Variants in STK39 observed in about 807,000 individuals in gnomAD.
STK39 encodes the protein serine/threonine kinase 39, also known as STE20/SPS1-related proline-alanine-rich protein kinase.
Under a neutral mutation model 77.8 loss-of-function variants are expected in STK39, and 20 were observed. That is an observed-to-expected ratio of 0.26 (90% CI 0.18 to 0.37). STK39 has a LOEUF of 0.37. Among genes scored for constraint, STK39 ranks in the 10% least tolerant of loss-of-function variants. The probability of loss-of-function intolerance (pLI) is 1.00; values close to 1 mark genes in which losing one functional copy is unlikely to be tolerated. For synonymous variants in STK39, 246 were observed against 234.1 expected, an observed-to-expected ratio of 1.05 and a Z score of -0.47; for missense variants, 479 against 656.5, an observed-to-expected ratio of 0.73 and a Z score of 2.95.
chr2:168,244,648 T>A (rs758250178), intron 1 of STK39, among the ~76,000 whole-genome samples: 1 of 152,216 alleles, frequency 6.6e-6, no homozygotes, highest in Non-Finnish European at 1.5e-5. Context: ...AAACCCTAAA[T>A]GGAAACAGGT....
chr2:168,153,038 G>A (rs1216714953), intron 5 of STK39, among the ~76,000 whole-genome samples: 3 of 152,122 alleles, frequency 2.0e-5, no homozygotes, highest in Non-Finnish European at 4.4e-5. Context: ...AGGAAACAAT[G>A]CACACCATTG....
chr2:168,160,182 C>T (rs893329412), intron 5 of STK39, among the ~76,000 whole-genome samples: 7 of 152,224 alleles, frequency 4.6e-5, no homozygotes, highest in Non-Finnish European at 1.0e-4. Context: ...CCAGCCTTCA[C>T]ATTTCAAAGG....
At chr2:168,037,869 C>T (rs7579817) in intron 14 of STK39, among the ~76,000 whole-genome samples, 115,910 of 152,100 alleles carry the variant, frequency 0.76, 44,372 homozygotes, top group Admixed American at 0.82. Flanking sequence ...CATATATTAC[C>T]TTCATAATGA....
intron 14 of STK39, among the ~76,000 whole-genome samples, chr2:168,045,216 A>C (rs955660992): frequency 6.6e-6 from 1 of 152,096 alleles, no homozygotes; most frequent in East Asian, 1.9e-4. Flanking sequence ...GCCTTGGTAC[A>C]TTTTCACATT....
At chr2:168,170,888 A>G (rs1400310542) in intron 2 of STK39, among the ~76,000 whole-genome samples, 1 of 152,176 alleles carries the variant, frequency 6.6e-6, no homozygotes, top group South Asian at 2.1e-4. Flanking sequence ...AAGGGTAAAA[A>G]CTTCATTGAG....
intron 7 of STK39, among the ~76,000 whole-genome samples, chr2:168,138,835 T>G (rs557496840): frequency 6.6e-6 from 1 of 152,330 alleles, no homozygotes; most frequent in African/African-American, 2.4e-5. Context: ...TCCTTGCTGC[T>G]TTCGGAGGGG....
intron 10 of STK39, among the ~76,000 whole-genome samples, chr2:168,075,884 G>T (rs549807946): frequency 6.6e-6 from 1 of 152,246 alleles, no homozygotes; most frequent in African/African-American, 2.4e-5. Flanking sequence ...TTGATAATCA[G>T]CAGCCATGCT....
chr2:167,971,372 T>C lies in STK39; in HGVS notation c.1499-6646A>G, dbSNP rs150150139. 2.3e-3 allele frequency among the ~76,000 whole-genome samples: 349 copies of C among 152,292 alleles called. 13 individuals are homozygous for C. The East Asian group carries it at 0.051, about 22-fold the overall frequency. On this transcript the variant is annotated intron_variant, in intron 16 of 17. Transcript: ENST00000355999. ...TCAGAAAGAAACTGGTAGCAAATGA[T>C]AATATTGTAGGGGTGTAAAATTTGG...
At chr2:168,130,507 T>C (rs1049855688) in intron 8 of STK39, among the ~76,000 whole-genome samples, 1 of 152,194 alleles carries the variant, frequency 6.6e-6, no homozygotes, top group African/African-American at 2.4e-5. Context: ...TGTTAGGTCA[T>C]TCCACTGTTA....
intron 1 of STK39, among the ~76,000 whole-genome samples, chr2:168,200,828 CTTTAGTTTTATT>C (rs759671359): frequency 1.1e-4 from 16 of 152,018 alleles, no homozygotes; most frequent in Non-Finnish European, 2.2e-4. Flanking sequence ...ATTATATGGT[CTTTAGTTTTATT>C]TTTATGAAAT....
At chr2:168,032,659 CCTG>C (rs1299736181) in intron 14 of STK39, among the ~76,000 whole-genome samples, 1 of 152,240 alleles carries the variant, frequency 6.6e-6, no homozygotes, top group Non-Finnish European at 1.5e-5. Context: ...CTGCAAACAA[CCTG>C]CTATTTGCCT....
chr2:168,171,492 A>G (rs1688823952), intron 2 of STK39, among the ~76,000 whole-genome samples: 1 of 118,272 alleles, frequency 8.5e-6, no homozygotes, highest in Non-Finnish European at 1.6e-5. Flanking sequence ...AAAAAAACTT[A>G]ATTTTTTTTT....
At chr2:167,994,133 C>A (rs1683770949) in intron 16 of STK39, among the ~76,000 whole-genome samples, 1 of 152,192 alleles carries the variant, frequency 6.6e-6, no homozygotes, top group African/African-American at 2.4e-5. Flanking sequence ...CAAGACACTA[C>A]TACTGAGTTA....
At chr2:168,034,235 T>C (rs1684896445) in intron 14 of STK39, among the ~76,000 whole-genome samples, 1 of 152,166 alleles carries the variant, frequency 6.6e-6, no homozygotes. Flanking sequence ...CACTCTGGCT[T>C]GGGGTTTGAA....
At chr2:168,123,996 G>T (rs1349225655) in intron 10 of STK39, among the ~76,000 whole-genome samples, 1 of 152,060 alleles carries the variant, frequency 6.6e-6, no homozygotes, top group South Asian at 2.1e-4. Context: ...GATCCAGTGG[G>T]GCCAAGGGCC....
chr2:168,230,104 T>A (rs1000545196), intron 1 of STK39, among the ~76,000 whole-genome samples: 5 of 152,216 alleles, frequency 3.3e-5, no homozygotes, highest in Admixed American at 6.5e-5. Flanking sequence ...ATCTTCCTTG[T>A]GCTAAATTGA....
chr2:168,026,206 TGTAA>T (rs1356498094), intron 14 of STK39, among the ~76,000 whole-genome samples: 1 of 152,140 alleles, frequency 6.6e-6, no homozygotes, highest in Non-Finnish European at 1.5e-5. Context: ...GGAAAAACAA[TGTAA>T]GTAAGTGCTT....
At chr2:168,172,243 C>T (rs1207718782) in intron 2 of STK39, among the ~76,000 whole-genome samples, 1 of 152,140 alleles carries the variant, frequency 6.6e-6, no homozygotes, top group Non-Finnish European at 1.5e-5. Context: ...CTCAAGTGTC[C>T]CAATTCCTGA....
At chr2:168,208,027 A>C (rs1301279718) in intron 1 of STK39, among the ~76,000 whole-genome samples, 1 of 152,148 alleles carries the variant, frequency 6.6e-6, no homozygotes, top group Non-Finnish European at 1.5e-5. Context: ...TCATTATTTG[A>C]CTCAGCAGGC....
Sources: allele counts gnomAD v4.1 joint callset (sites outside exome capture counted in the v4.1 genomes callset), GRCh38; gene constraint gnomAD v4.1.1; transcripts MANE v1.5; gene names NCBI Gene and HGNC (gene_info 2026-07-23, HGNC 2026-07-21).